ITPR2: variants seen among roughly 807,000 people sequenced by gnomAD.
ITPR2 encodes inositol 1,4,5-trisphosphate-gated calcium channel ITPR2.
ITPR2 carries 207 observed loss-of-function variants against 317.1 expected under a neutral mutation model. The observed-to-expected ratio is 0.65, with a 90% CI of 0.58 to 0.73. The LOEUF (loss-of-function observed/expected upper bound fraction) is 0.73. ITPR2 is among the 30% of genes least tolerant of loss of function. The probability of loss-of-function intolerance (pLI) is 0.00; values close to 1 mark genes in which losing one functional copy is unlikely to be tolerated. For synonymous variants in ITPR2, 1,156 were observed against 1,149.1 expected (o/e 1.01, Z -0.12); for missense variants, 2,613 against 3,284.0 (o/e 0.80, Z 4.99).
chr12:26,516,621 A>C (rs1465100187), intron 37 of ITPR2, among the ~76,000 whole-genome samples: 1 of 152,220 alleles, frequency 6.6e-6, no homozygotes, highest in Non-Finnish European at 1.5e-5. Flanking sequence ...TCATTATAAA[A>C]AAATTTTTAT....
At chr12:26,625,657 AGT>A (rs1479663646) in intron 23 of ITPR2, among the ~76,000 whole-genome samples, 1 of 152,186 alleles carries the variant, frequency 6.6e-6, no homozygotes, top group African/African-American at 2.4e-5. Context: ...TATCTAGAGA[AGT>A]GTGTGTGTAT....
intron 34 of ITPR2, among the ~76,000 whole-genome samples, chr12:26,565,866 GGGGA>G (rs1944950900): frequency 1.7e-5 from 1 of 60,276 alleles, no homozygotes; most frequent in Admixed American, 1.5e-4. Flanking sequence ...GGAGAGGGGA[GGGGA>G]GGAGAGGAGA....
At chr12:26,383,650 ATTT>A (rs10687022) in intron 55 of ITPR2, among the ~76,000 whole-genome samples, 13 of 134,354 alleles carry the variant, frequency 9.7e-5, no homozygotes, top group Non-Finnish European at 9.5e-5. Flanking sequence ...CGCCTGGCTA[ATTT>A]TTTTTTTTTT....
At chr12:26,457,479 G>A (rs531206760) in intron 45 of ITPR2, among the ~76,000 whole-genome samples, 3 of 152,308 alleles carry the variant, frequency 2.0e-5, no homozygotes, top group Admixed American at 2.0e-4. Context: ...GCAGAGAGGT[G>A]ACATAATCTG....
intron 9 of ITPR2, among the ~76,000 whole-genome samples, chr12:26,704,245 G>C (rs1330410025): frequency 6.6e-6 from 1 of 152,168 alleles, no homozygotes; most frequent in Non-Finnish European, 1.5e-5. Flanking sequence ...AGAATTCAGA[G>C]AAATAAAAGC....
At chr12:26,643,053 G>T (rs905284252) in intron 21 of ITPR2, among the ~76,000 whole-genome samples, 2 of 152,086 alleles carry the variant, frequency 1.3e-5, no homozygotes, top group Admixed American at 6.5e-5. Flanking sequence ...CTCATGAATG[G>T]GACCAGGGCT....
intron 2 of ITPR2, among the ~76,000 whole-genome samples, chr12:26,762,056 A>T (rs1372584956): frequency 6.6e-6 from 1 of 152,242 alleles, no homozygotes; most frequent in African/African-American, 2.4e-5. Flanking sequence ...AACATGAGAA[A>T]AAAAGAATTT....
intron 26 of ITPR2, among the ~76,000 whole-genome samples, chr12:26,608,359 T>C (rs1237722742): frequency 6.6e-6 from 1 of 152,182 alleles, no homozygotes; most frequent in Non-Finnish European, 1.5e-5. Flanking sequence ...GTAACTGCTT[T>C]CATAAGAACA....
chr12:26,589,021 C>T (rs571345966), intron 32 of ITPR2, among the ~76,000 whole-genome samples: 1 of 152,320 alleles, frequency 6.6e-6, no homozygotes, highest in Admixed American at 6.5e-5. Context: ...CTATCAACAA[C>T]AATCAGTTAT....
chr12:26,676,653 G>T (rs1228095562), intron 13 of ITPR2, among the ~76,000 whole-genome samples: 1 of 151,878 alleles, frequency 6.6e-6, no homozygotes, highest in Non-Finnish European at 1.5e-5. Context: ...AAGACGTAAA[G>T]AAAGGGGCAG....
At chr12:26,774,613 C>A (rs1949925092) in intron 2 of ITPR2, among the ~76,000 whole-genome samples, 1 of 152,118 alleles carries the variant, frequency 6.6e-6, no homozygotes, top group Non-Finnish European at 1.5e-5. Flanking sequence ...CAGTCCTGAC[C>A]CTCATACAGT....
intron 52 of ITPR2, chr12:26,400,752 G>C (rs1454966608): frequency 1.3e-5 from 2 of 152,332 alleles, no homozygotes; most frequent in Admixed American, 6.5e-5. Context: ...TGGAAACACA[G>C]CCACGTTACC....
At chr12:26,352,558 C>T (rs11048477) in intron 55 of ITPR2, among the ~76,000 whole-genome samples, 155 of 152,316 alleles carry the variant, frequency 1.0e-3, no homozygotes, top group South Asian at 3.9e-3. Flanking sequence ...CATGTGGGCA[C>T]TGACGGTGGC....
chr12:26,525,752 T>C (rs977539473), intron 37 of ITPR2, among the ~76,000 whole-genome samples: 1 of 152,248 alleles, frequency 6.6e-6, no homozygotes, highest in Admixed American at 6.5e-5. Flanking sequence ...GCCCTGTTCC[T>C]TCCTGATGTT....
rs1422867394 is a variant in ITPR2, at chr12:26,833,140, T to C, written c.-359A>G. On this transcript the variant is annotated 5_prime_UTR_variant, in exon 1 of 57. Transcript: ENST00000381340. ...TTCCCTCTCCGCTCCCCACTCCGTG[T>C]CCACTCCCTGCTCTGCGACCCGCTG... 2.0e-5 allele frequency: 5 copies of C among 247,420 alleles called. No individual in the cohort carries two copies. Among genetic ancestry groups the C allele is most frequent in the Non-Finnish European group, 3.8e-5 (5 of 130,076 alleles). The allele number at this position is 247,420 out of a possible 1,614,324, so 15.3% of individuals were successfully genotyped here.
intron 2 of ITPR2, among the ~76,000 whole-genome samples, chr12:26,728,415 G>A (rs968491705): frequency 2.0e-5 from 3 of 152,146 alleles, no homozygotes; most frequent in Admixed American, 6.6e-5. Context: ...CCATTTCAGG[G>A]CCTTAGTTTT....
intron 5 of ITPR2, among the ~76,000 whole-genome samples, chr12:26,719,615 T>TA (rs1203047843): frequency 1.3e-5 from 2 of 152,216 alleles, no homozygotes; most frequent in East Asian, 1.9e-4. Context: ...CACTTTTTTT[T>TA]ATTACACTTT....
At chr12:26,515,538 C>T (rs1468067216) in intron 37 of ITPR2, among the ~76,000 whole-genome samples, 2 of 151,814 alleles carry the variant, frequency 1.3e-5, no homozygotes, top group East Asian at 1.9e-4. Context: ...AAAATAAAAG[C>T]CTGAAAACTC....
intron 45 of ITPR2, among the ~76,000 whole-genome samples, chr12:26,460,480 A>G (rs1423398087): frequency 6.6e-6 from 1 of 152,222 alleles, no homozygotes; most frequent in Non-Finnish European, 1.5e-5. Flanking sequence ...ATTAGTAACA[A>G]TCAGCTTAGG....
Sources: gnomAD v4.1 joint callset for allele counts (sites outside exome capture counted in the v4.1 genomes callset) on GRCh38, gnomAD v4.1.1 for gene constraint, MANE v1.5 for transcripts, NCBI Gene and HGNC (gene_info 2026-07-23, HGNC 2026-07-21) for gene names.